Variants in IGDCC4 observed in about 807,000 individuals in gnomAD.
The protein encoded by IGDCC4 is likely ortholog of mouse neighbor of Punc E11.
A neutral mutation model predicts 116.6 loss-of-function variants in IGDCC4; 72 were observed. That is an observed-to-expected ratio of 0.62 (90% CI 0.51 to 0.75). The LOEUF (loss-of-function observed/expected upper bound fraction) is 0.75, where lower values mean the gene tolerates loss of function less well. Among genes scored for constraint, IGDCC4 ranks in the 30% least tolerant of loss-of-function variants. The pLI is 0.00. For missense variants in IGDCC4, 1,501 were observed against 1,662.4 expected (o/e 0.90, Z 1.69); for synonymous variants, 709 against 719.9 (o/e 0.98, Z 0.24).
rs778474498 is a variant in IGDCC4, at chr15:65,388,798, G to C, written c.2707+10C>G. 6.2e-7 allele frequency: 1 copy of C among 1,613,908 alleles called. No individual in the cohort carries two copies. The highest frequency in any genetic ancestry group is 8.5e-7 in the Non-Finnish European group (1 of 1,180,006). On this transcript the variant is annotated intron_variant, in intron 15 of 19. Transcript: ENST00000352385. Reference sequence around the variant, plus strand: ...CTCTTGAGCAGATGCCCTGGGGCAGGAGCCCTCACCCTGCGTGGTGAGCAA... The same window carrying C: ...CTCTTGAGCAGATGCCCTGGGGCAGCAGCCCTCACCCTGCGTGGTGAGCAA...
At position 65,395,201 on chromosome 15, in the gene IGDCC4, A is replaced by AC. The variant is rs764446903; in HGVS notation, c.1468dup (p.Val490GlyfsTer11). Reference sequence around the variant, plus strand: ...ATCTGTGTTGGGTTCCAGGTCCCGAACCTGTAGTTCTGTGGTGTCGTTGTT... The same window carrying AC: ...ATCTGTGTTGGGTTCCAGGTCCCGAACCCTGTAGTTCTGTGGTGTCGTTGTT... On this transcript the variant is annotated frameshift_variant, in exon 8 of 20. Transcript: ENST00000352385. LOFTEE classifies it high-confidence loss of function. 15 of 1,613,844 alleles carry AC rather than the reference A, an allele frequency of 9.3e-6. No individual in the cohort carries two copies. In the Admixed American group the frequency reaches 1.5e-4, roughly 16 times the overall value.
chr15:65,393,678 G>A lies in IGDCC4; in HGVS notation c.1715-147C>T. ...TCTCAGCACTGACCCCTCAGTGCCT[G>A]GGCAGATTCTATGGCTCCAGGGTTG... On this transcript the variant is annotated intron_variant, in intron 9 of 19. Transcript: ENST00000352385. This position sits in a 1 kb window ranked among gnomAD's most constrained non-coding sequence, Gnocchi z 4.6. 1 of 762,264 alleles carries A rather than the reference G, an allele frequency of 1.3e-6. No homozygotes were observed. The highest frequency in any genetic ancestry group is 2.0e-6 in the Non-Finnish European group (1 of 495,666). The allele number at this position is 762,264 out of a possible 1,614,324, so 47.2% of individuals were successfully genotyped here.
chr15:65,391,193 G>A (rs113368436), intron 12 of IGDCC4, among the ~76,000 whole-genome samples: 4,889 of 152,226 alleles, frequency 0.032, 100 homozygotes, highest in Middle Eastern at 0.078. Flanking sequence ...TCATACCATT[G>A]CACTCCAGCC....
chr15:65,386,479 C>A (rs2091459642), intron 17 of IGDCC4, 72 bp downstream of exon 17: 5 of 1,332,984 alleles, frequency 3.8e-6, no homozygotes, highest in Non-Finnish European at 5.2e-6. Context: ...TGGCCACTTT[C>A]CCTGATGGCC....
At chr15:65,422,519 AAC>A (rs140587709) in intron 1 of IGDCC4, among the ~76,000 whole-genome samples, 8,059 of 131,112 alleles carry the variant, frequency 0.061, 312 homozygotes, top group African/African-American at 0.11. Flanking sequence ...GAGCACTCCC[AAC>A]ACACACACAC....
chr15:65,390,207 G>T lies in IGDCC4; in HGVS notation c.2356C>A (p.Arg786Ser), dbSNP rs752092063. Reference protein sequence around the residue: ...TTVKIVNYTVRFSPWGLRNAS... With the variant: ...TTVKIVNYTVSFSPWGLRNAS... ...TTCCTGAGCCCCCAGGGGCTGAAGCGCACAGTGTAGTTGACAATCTTGACT... is the reference window on the plus strand; with the variant it reads ...TTCCTGAGCCCCCAGGGGCTGAAGCTCACAGTGTAGTTGACAATCTTGACT... Residue 786 changes from arginine (R) to serine (S), a missense_variant, in exon 13 of 20, where the codon CGC becomes AGC. Physicochemically the swap from Arg to Ser is moderately radical, Grantham distance 110 (BLOSUM62 -1). This residue lies in a region of IGDCC4 where 235 missense variants were observed against 328.0 expected (regional missense o/e 0.72). Coordinates refer to ENST00000352385, the MANE Select transcript of IGDCC4 (RefSeq NM_020962.3). 6.2e-7 allele frequency: 1 copy of T among 1,611,126 alleles called. No individual in the cohort carries two copies. The highest frequency in any genetic ancestry group is 1.3e-5 in the African/African-American group (1 of 75,006).
At chr15:65,398,708 G>A (rs535376931) in intron 5 of IGDCC4, among the ~76,000 whole-genome samples, 9 of 152,018 alleles carry the variant, frequency 5.9e-5, no homozygotes, top group South Asian at 2.1e-4. Flanking sequence ...TGGCTGACAC[G>A]GTGAAACCCA....
At position 65,385,997 on chromosome 15, in the gene IGDCC4, G is replaced by T. The variant is rs776393088; in HGVS notation, c.3014C>A (p.Ala1005Asp). 6.3e-7 allele frequency: 1 copy of T among 1,599,844 alleles called. No individual in the cohort carries two copies. The highest frequency in any genetic ancestry group is 1.1e-5 in the South Asian group (1 of 89,892). ...TGGGGGGCTGGGGGGGCCAAGCCGA[G>T]CTCTGGAGTACAGCGCGGGATTCCC... Reference protein sequence around the residue: ...TPGNPALYSRARLGPPSPPAA... With the variant: ...TPGNPALYSRDRLGPPSPPAA... The change falls in exon 18 of 20, where the codon GCT becomes GAT. Residue 1005 changes from alanine to aspartate, a missense_variant. Transcript: ENST00000352385.
At chr15:65,395,680 C>CGACCTGAA (rs2062916519) in intron 7 of IGDCC4, 70 bp downstream of exon 7, 2 of 1,374,226 alleles carry the variant, frequency 1.5e-6, no homozygotes, top group Admixed American at 3.1e-5. Context: ...TTCAGTCATC[C>CGACCTGAA]GACCTGAACC....
intron 1 of IGDCC4, among the ~76,000 whole-genome samples, chr15:65,414,666 C>T (rs1378116121): frequency 2.0e-5 from 3 of 152,224 alleles, no homozygotes; most frequent in Non-Finnish European, 2.9e-5. Context: ...GTTCTTGCGA[C>T]AGTTGTGCTC....
intron 1 of IGDCC4, among the ~76,000 whole-genome samples, chr15:65,421,634 T>C (rs778187862): frequency 1.3e-5 from 2 of 149,156 alleles, no homozygotes; most frequent in Non-Finnish European, 1.5e-5. Flanking sequence ...CCTGGCTGAG[T>C]CTCTCTGGAA....
intron 3 of IGDCC4, among the ~76,000 whole-genome samples, chr15:65,405,129 TGG>T (rs35901531): frequency 0.02 from 1,984 of 100,376 alleles, 66 homozygotes; most frequent in African/African-American, 0.057. Context: ...TATTAGTTAG[TGG>T]GGGGGGGGGA....
At position 65,383,639 on chromosome 15, in the gene IGDCC4, G is replaced by A. The variant is rs1312274882; in HGVS notation, c.*370C>T. 1 of 187,822 alleles carries A rather than the reference G, an allele frequency of 5.3e-6. No individual in the cohort carries two copies. Among genetic ancestry groups the A allele is most frequent in the East Asian group, 1.3e-4 (1 of 7,426 alleles). 11.6% of individuals were successfully genotyped at this position (187,822 alleles called of 1,614,324 possible). ...TAAAAGGCTGGGCGATGGAGGTGGG[G>A]GCCCACAGGGCTGGGGACTGACCAC... On this transcript the variant is annotated 3_prime_UTR_variant, in exon 20 of 20. Coordinates refer to ENST00000352385, the MANE Select transcript of IGDCC4 (RefSeq NM_020962.3).
In IGDCC4 at chr15:65,388,950, T is replaced by C. The variant is rs1411285428; in HGVS notation, c.2565A>G (p.Arg855=). Residue 855 remains arginine, a synonymous_variant, in exon 15 of 20, where the codon CGA becomes CGG. Coordinates refer to ENST00000352385, the MANE Select transcript of IGDCC4 (RefSeq NM_020962.3). ...DRPSTPPSDL[R]LSPLTPSTVR... ...CCGTGGACGGTGTCAGGGGGCTCAGTCGCAGGTCGGATGGGGGTGTGGAGG... is the reference window on the plus strand; with the variant it reads ...CCGTGGACGGTGTCAGGGGGCTCAGCCGCAGGTCGGATGGGGGTGTGGAGG... The C allele has an allele frequency of 1.2e-6, 2 of 1,608,958 alleles. No homozygotes were observed. Among genetic ancestry groups the C allele is most frequent in the South Asian group, 2.2e-5 (2 of 90,442 alleles).
rs774843396 is a variant in IGDCC4 at position 65,384,912 on chromosome 15, A to T, written c.3342+42T>A. On this transcript the variant is annotated intron_variant, in intron 19 of 19. Coordinates refer to ENST00000352385, the MANE Select transcript of IGDCC4 (RefSeq NM_020962.3). This position sits in a 1 kb window ranked among gnomAD's most constrained non-coding sequence, Gnocchi z 4.9. Reference sequence around the variant, plus strand: ...TTACTTCCTCTTCACAAGCACAGAGACCCTTTCCTCCTTTCCTGCCCCTTC... The same window carrying T: ...TTACTTCCTCTTCACAAGCACAGAGTCCCTTTCCTCCTTTCCTGCCCCTTC... The T allele has an allele frequency of 6.4e-7, 1 of 1,573,140 alleles. No individual in the cohort carries two copies. The highest frequency in any genetic ancestry group is 2.3e-5 in the East Asian group (1 of 43,696).
intron 1 of IGDCC4, among the ~76,000 whole-genome samples, chr15:65,419,349 G>A (rs1433020647): frequency 6.6e-6 from 1 of 151,732 alleles, no homozygotes; most frequent in Non-Finnish European, 1.5e-5. Context: ...TTACAGGTAT[G>A]AGCCTGGCCT....
In IGDCC4 at chr15:65,422,848, G is replaced by A. The variant is rs1191319230; in HGVS notation, c.15C>T (p.Asp5=). The change falls in exon 1 of 20, where the codon GAC becomes GAT. Residue 5 remains aspartate (D), a synonymous_variant. Transcript: ENST00000352385. MARG[D]AGRGRGLLAL... Reference sequence around the variant, plus strand: ...CGAGGAGCCCGCGGCCGCGGCCGGCGTCCCCCCGCGCCATGGGGCTGGGCT... The same window carrying A: ...CGAGGAGCCCGCGGCCGCGGCCGGCATCCCCCCGCGCCATGGGGCTGGGCT... The A allele has an allele frequency of 1.7e-6, 2 of 1,195,656 alleles. No homozygotes were observed. The highest frequency in any genetic ancestry group is 3.2e-5 in the South Asian group (1 of 31,740). 74.1% of individuals were successfully genotyped at this position (1,195,656 alleles called of 1,614,324 possible).
intron 6 of IGDCC4, 97 bp from the exon 7 acceptor site, chr15:65,396,260 C>T (rs777874462): frequency 6.2e-6 from 8 of 1,295,686 alleles, no homozygotes; most frequent in Non-Finnish European, 8.5e-6. Context: ...CGCCCTCCCT[C>T]GCTCCCCTTC....
At chr15:65,410,130 C>T in intron 3 of IGDCC4, 48 bp downstream of exon 3, 2 of 1,605,280 alleles carry the variant, frequency 1.2e-6, no homozygotes, top group Non-Finnish European at 8.5e-7. Flanking sequence ...CACCCCAGAG[C>T]CCTCTCTGCC....
Sources: gnomAD v4.1 joint callset for allele counts (sites outside exome capture counted in the v4.1 genomes callset) on GRCh38, gnomAD v4.1.1 for gene constraint, gnomAD v4.1.1 regional missense constraint, Gnocchi (gnomAD v3.1) non-coding constraint, MANE v1.5 for transcripts, NCBI Gene and HGNC (gene_info 2026-07-23, HGNC 2026-07-21) for gene names.